COL16A1: variants seen among roughly 807,000 people sequenced by gnomAD.
COL16A1 encodes the protein collagen alpha-1(XVI) chain.
Under a neutral mutation model 266.3 loss-of-function variants are expected in COL16A1, and 189 were observed. That is an observed-to-expected ratio of 0.71 (90% CI 0.63 to 0.80). COL16A1 has a LOEUF of 0.80. Among genes scored for constraint, COL16A1 ranks in the 30% least tolerant of loss-of-function variants. COL16A1 has a pLI of 0.00. For missense variants in COL16A1, 1,928 were observed against 2,122.4 expected, an observed-to-expected ratio of 0.91 and a Z score of 1.80; for synonymous variants, 740 against 782.3, an observed-to-expected ratio of 0.95 and a Z score of 0.90.
intron 26 of COL16A1, among the ~76,000 whole-genome samples, chr1:31,687,948 C>A (rs751497353): frequency 4.6e-5 from 7 of 152,210 alleles, no homozygotes; most frequent in Non-Finnish European, 5.9e-5. Context: ...AACACAGGCA[C>A]TGAAATTGAG....
At position 31,652,559 on chromosome 1, in the gene COL16A1, C is replaced by CAAA. The variant is rs964605624; in HGVS notation, c.*89_*91dup. On this transcript the variant is annotated 3_prime_UTR_variant, in exon 71 of 71. Transcript: ENST00000373672. This position sits in a 1 kb window ranked among gnomAD's most constrained non-coding sequence, Gnocchi z 4.8. Reference sequence around the variant, plus strand: ...CAGCAATTAAAAACAACAACAACAACAAAAAAAACATTCACAACCTGTCAC... The same window carrying CAAA: ...CAGCAATTAAAAACAACAACAACAACAAAAAAAAAAACATTCACAACCTGTCAC... The CAAA allele has an allele frequency of 2.4e-6, 3 of 1,237,480 alleles. No individual in the cohort carries two copies. Among genetic ancestry groups the CAAA allele is most frequent in the Middle Eastern group, 2.4e-4 (1 of 4,132 alleles). The allele number at this position is 1,237,480 out of a possible 1,614,324, so 76.7% of individuals were successfully genotyped here.
chr1:31,654,102 A>T, intron 68 of COL16A1, 59 bp from the exon 69 acceptor site: 1 of 1,558,702 alleles, frequency 6.4e-7, no homozygotes, highest in Non-Finnish European at 8.7e-7. Flanking sequence ...ACTCAGAATG[A>T]CTGCAGATGC....
At chr1:31,695,259 C>T in intron 10 of COL16A1, 38 bp from the exon 11 acceptor site, 1 of 1,611,518 alleles carries the variant, frequency 6.2e-7, no homozygotes, top group Non-Finnish European at 8.5e-7. Context: ...CAATTCTGAG[C>T]CCCTGGGGTG....
At chr1:31,679,740 G>A in intron 41 of COL16A1, 55 bp from the exon 42 acceptor site, 1 of 1,610,428 alleles carries the variant, frequency 6.2e-7, no homozygotes, top group African/African-American at 1.3e-5. Flanking sequence ...CCATGGCCGA[G>A]AGCAGCTGTT....
intron 56 of COL16A1, 27 bp from the exon 57 acceptor site, chr1:31,662,685 C>CT: frequency 4.8e-6 from 5 of 1,047,952 alleles, no homozygotes; most frequent in Non-Finnish European, 6.8e-6. Flanking sequence ...CCCCCCCCCC[C>CT]CGCCCCACAA....
In COL16A1 at chr1:31,691,657, G is replaced by C; in HGVS notation, c.1258-15C>G. On this transcript the variant is annotated splice_polypyrimidine_tract_variant and intron_variant, in intron 17 of 70. Coordinates refer to ENST00000373672, the MANE Select transcript of COL16A1 (RefSeq NM_001856.4). The stretch of plus-strand genomic sequence containing the variant: ...CCTGGCCGGCCCTGTGGGGGGATAA[G>C]GGGGAGGGTGTACAAACAGCCCTGA... The C allele has an allele frequency of 1.2e-6, 2 of 1,612,274 alleles. No individual in the cohort carries two copies. Among genetic ancestry groups the C allele is most frequent in the Non-Finnish European group, 1.7e-6 (2 of 1,179,204 alleles).
chr1:31,678,121 A>G (rs1189138439), intron 42 of COL16A1, among the ~76,000 whole-genome samples: 3 of 147,456 alleles, frequency 2.0e-5, no homozygotes. Flanking sequence ...CCTGGCAGAG[A>G]CTCCCATCGG....
At position 31,700,264 on chromosome 1, in the gene COL16A1, C is replaced by T. The variant is rs952932028; in HGVS notation, c.74-149G>A. ...CTGCCTTCACCACCTGCCTTCTGAC[C>T]CTGGCTCCCCAGGAAGCCTGGAGGC... On this transcript the variant is annotated intron_variant, in intron 2 of 70. Coordinates refer to ENST00000373672, the MANE Select transcript of COL16A1 (RefSeq NM_001856.4). 65 of 742,634 alleles carry T rather than the reference C, an allele frequency of 8.8e-5. 1 individual carries two copies. The highest frequency in any genetic ancestry group is 7.2e-4 in the South Asian group (43 of 59,532). The allele number at this position is 742,634 out of a possible 1,614,324, so 46.0% of individuals were successfully genotyped here.
intron 14 of COL16A1, 47 bp downstream of exon 14, chr1:31,692,720 G>A: frequency 6.2e-7 from 1 of 1,612,096 alleles, no homozygotes; most frequent in Non-Finnish European, 8.5e-7. Context: ...CTCCCCAGGG[G>A]CTGGCCCCAT....
At position 31,691,198 on chromosome 1, in the gene COL16A1, T is replaced by C. The variant is rs368321925; in HGVS notation, c.1427A>G (p.Lys476Arg). The C allele has an allele frequency of 2.3e-5, 37 of 1,613,856 alleles. No individual in the cohort carries two copies. Among genetic ancestry groups the C allele is most frequent in the Non-Finnish European group, 2.9e-5 (34 of 1,179,938 alleles). Residue 476 changes from lysine to arginine, a missense_variant, in exon 20 of 71, where the codon AAG becomes AGG. Transcript: ENST00000373672. ...CCCACCTATGCTCACCTTGTCTCCC[T>C]TGGGGCCTGGTGGGCCACCTGGATC... ...PGDPGGPPGP[K>R]GDKGSSGIPG...
At chr1:31,653,735 A>C in intron 69 of COL16A1, 59 bp from the exon 70 acceptor site, 1 of 1,579,258 alleles carries the variant, frequency 6.3e-7, no homozygotes, top group Non-Finnish European at 8.6e-7. Flanking sequence ...ACAGCCAGTC[A>C]GATTACTTGA....
In COL16A1 at chr1:31,654,086, C is replaced by T. The variant is rs556373557; in HGVS notation, c.4358-43G>A. The T allele has an allele frequency of 7.0e-6, 11 of 1,577,394 alleles. No individual in the cohort carries two copies. In the South Asian group the frequency reaches 1.3e-4, roughly 18 times the overall value. ...GGACAGGGACAGGTCAGAGGGTCCC[C>T]CAGGGACTCAGAATGACTGCAGATG... On this transcript the variant is annotated intron_variant, in intron 68 of 70. Coordinates refer to ENST00000373672, the MANE Select transcript of COL16A1 (RefSeq NM_001856.4).
intron 60 of COL16A1, 146 bp from the exon 61 acceptor site, chr1:31,661,265 C>G: frequency 6.7e-7 from 1 of 1,497,716 alleles, no homozygotes. Context: ...GACAGAGAAG[C>G]CCTGACCCAG....
Position 31,668,899 on chromosome 1 carries a change from C to A in COL16A1, c.3196-44G>T. The A allele has an allele frequency of 6.4e-7, 1 of 1,572,674 alleles. No homozygotes were observed. Among genetic ancestry groups the A allele is most frequent in the East Asian group, 2.2e-5 (1 of 44,564 alleles). ...GAGAAACTGCAGGAGCCGGCGGTCC[C>A]CACCCAGCCCCTGACTCCTTCCCCC... On this transcript the variant is annotated intron_variant, in intron 49 of 70. Coordinates refer to ENST00000373672, the MANE Select transcript of COL16A1 (RefSeq NM_001856.4). The surrounding 1 kb of genome is among the most constrained non-coding windows in gnomAD (Gnocchi z 5.8).
chr1:31,667,778 C>G, intron 51 of COL16A1, 150 bp from the exon 52 acceptor site: 1 of 797,350 alleles, frequency 1.3e-6, no homozygotes, highest in East Asian at 2.8e-5. Flanking sequence ...AGCTGCCGTG[C>G]CTCCCATCTG....
chr1:31,668,693 G>A lies in COL16A1; in HGVS notation c.3249+109C>T, dbSNP rs1218777900. On this transcript the variant is annotated intron_variant, in intron 50 of 70. Transcript: ENST00000373672. The surrounding 1 kb of genome is among the most constrained non-coding windows in gnomAD (Gnocchi z 5.8). ...GCAGAAGGGCAGAGAGTCTCAAGGA[G>A]TCCACCTCCCAGCTTCCACTCAGCA... The A allele has an allele frequency of 8.4e-7, 1 of 1,192,262 alleles. No homozygotes were observed. Among genetic ancestry groups the A allele is most frequent in the Non-Finnish European group, 1.2e-6 (1 of 804,018 alleles). 73.9% of individuals were successfully genotyped at this position (1,192,262 alleles called of 1,614,324 possible).
At chr1:31,700,593 T>G (rs960199398) in intron 2 of COL16A1, among the ~76,000 whole-genome samples, 3 of 152,246 alleles carry the variant, frequency 2.0e-5, no homozygotes, top group Admixed American at 2.0e-4. Flanking sequence ...TTGTGTGTTA[T>G]GTACAATTAT....
rs559619001 is a variant in COL16A1, at chr1:31,675,180, C to T, written c.2826+78G>A. ...GAAGAGGGACCCCCACTGCAGCTACCGGGCCAGCTTCATAGCCTGAGCAGC... is the reference window on the plus strand; with the variant it reads ...GAAGAGGGACCCCCACTGCAGCTACTGGGCCAGCTTCATAGCCTGAGCAGC... On this transcript the variant is annotated intron_variant, in intron 43 of 70. Transcript: ENST00000373672. 8.0e-5 allele frequency: 129 copies of T among 1,612,248 alleles called. 1 individual carries two copies. The highest frequency in any genetic ancestry group is 1.0e-4 in the Non-Finnish European group (119 of 1,178,672).
intron 52 of COL16A1, among the ~76,000 whole-genome samples, chr1:31,667,281 G>T (rs1360374475): frequency 1.3e-5 from 2 of 152,192 alleles, no homozygotes; most frequent in East Asian, 3.9e-4. Flanking sequence ...TGGCTCTGGA[G>T]GGTGGCTCTG....
Sources: gnomAD v4.1 joint callset for allele counts (sites outside exome capture counted in the v4.1 genomes callset) on GRCh38, gnomAD v4.1.1 for gene constraint, Gnocchi (gnomAD v3.1) non-coding constraint, MANE v1.5 for transcripts, NCBI Gene and HGNC (gene_info 2026-07-23, HGNC 2026-07-21) for gene names.